The following TUBB4B variants were observed in gnomAD, a reference collection of about 807,000 sequenced individuals.
TUBB4B encodes the protein tubulin beta-4B chain.
TUBB4B carries 7 observed loss-of-function variants against 34.3 expected under a neutral mutation model. The ratio of observed to expected loss-of-function variants is 0.20; its 90% CI spans 0.12 to 0.38. TUBB4B has a LOEUF of 0.38. Among genes scored for constraint, TUBB4B ranks in the 10% least tolerant of loss-of-function variants. TUBB4B has a pLI of 1.00. For missense variants in TUBB4B, 178 were observed against 610.9 expected, an observed-to-expected ratio of 0.29 and a Z score of 7.47; for synonymous variants, 390 against 250.2, an observed-to-expected ratio of 1.56 and a Z score of -5.27.
At position 137,241,699 on chromosome 9, in the gene TUBB4B, G is replaced by T. The variant is rs555223485; in HGVS notation, c.58-22G>T. On this transcript the variant is annotated intron_variant, in intron 1 of 3. Coordinates refer to ENST00000340384, the MANE Select transcript of TUBB4B (RefSeq NM_006088.6). ...CGGTGACTCAGCCCCGGCCCGCCCG[G>T]GCCCGCCCGCGTCCCTTGTAGTTTT... 6.5e-4 allele frequency: 1,045 copies of T among 1,601,916 alleles called. 18 individuals are homozygous for T. The South Asian group carries it at 0.011, about 17-fold the overall frequency.
intron 1 of TUBB4B, 33 bp from the exon 2 acceptor site, chr9:137,241,688 C>T (rs781745225): frequency 5.7e-6 from 9 of 1,587,356 alleles, no homozygotes; most frequent in Non-Finnish European, 6.9e-6. Context: ...GACTCAGCCC[C>T]GGCCCGCCCG....
chr9:137,242,665 C>T lies in TUBB4B; in HGVS notation c.447C>T (p.Thr149=), dbSNP rs771329684. The change falls in exon 4 of 4, where the codon ACC becomes ACT. Residue 149 remains threonine (T), a synonymous_variant. Coordinates refer to ENST00000340384, the MANE Select transcript of TUBB4B (RefSeq NM_006088.6). ...LGGGTGSGMG[T]LLISKIREEY... ...GGGGGACTGGGTCTGGGATGGGTAC[C>T]CTCCTCATCAGCAAGATCCGGGAGG... 15 of 1,613,498 alleles carry T rather than the reference C, an allele frequency of 9.3e-6. No homozygotes were observed. Among genetic ancestry groups the T allele is most frequent in the South Asian group, 4.4e-5 (4 of 91,084 alleles).
At position 137,243,044 on chromosome 9, in the gene TUBB4B, C is replaced by A; in HGVS notation, c.826C>A (p.Arg276=). ...FMPGFAPLTS[R]GSQQYRALTV... The stretch of plus-strand genomic sequence containing the variant: ...GCCCGGCTTTGCCCCACTGACCAGC[C>A]GGGGCAGCCAGCAGTACCGGGCGCT... The change falls in exon 4 of 4, where the codon CGG becomes AGG. Residue 276 remains arginine, a synonymous_variant. Transcript: ENST00000340384. 1 of 1,612,874 alleles carries A rather than the reference C, an allele frequency of 6.2e-7. No individual in the cohort carries two copies. The highest frequency in any genetic ancestry group is 8.5e-7 in the Non-Finnish European group (1 of 1,180,030).
In TUBB4B at chr9:137,241,751, A is replaced by G; in HGVS notation, c.88A>G (p.Ile30Val). 2 of 1,611,732 alleles carry G rather than the reference A, an allele frequency of 1.2e-6. No homozygotes were observed. The highest frequency in any genetic ancestry group is 8.5e-7 in the Non-Finnish European group (1 of 1,179,294). Residue 30 changes from isoleucine (I) to valine (V), a missense_variant, in exon 2 of 4, where the codon ATC (isoleucine) becomes GTC (valine). Transcript: ENST00000340384. ...FWEVISDEHG[I>V]DPTGTYHGDS... ...GGAGGTGATCAGCGATGAGCACGGC[A>G]TCGACCCCACGGGCACCTACCACGG... is the stretch of plus-strand genomic sequence containing the variant.
Position 137,241,767 on chromosome 9 carries a change from C to T in TUBB4B, c.104C>T (p.Thr35Ile), listed in dbSNP as rs1315997840. The T allele has an allele frequency of 3.1e-6, 5 of 1,612,264 alleles. No individual in the cohort carries two copies. Among genetic ancestry groups the T allele is most frequent in the East Asian group, 2.2e-5 (1 of 44,860 alleles). ...GAGCACGGCATCGACCCCACGGGCA[C>T]CTACCACGGGGACAGCGACCTGCAG... is the stretch of plus-strand genomic sequence containing the variant. ...SDEHGIDPTG[T>I]YHGDSDLQLE... The change falls in exon 2 of 4, where the codon ACC (threonine) becomes ATC (isoleucine). Residue 35 changes from threonine to isoleucine, a missense_variant. By Grantham distance (89) the Thr-to-Ile change is moderately conservative. Transcript: ENST00000340384.
In TUBB4B at chr9:137,241,293, C is replaced by G. The variant is rs553368308; in HGVS notation, c.-68C>G. 598 of 1,548,654 alleles carry G rather than the reference C, an allele frequency of 3.9e-4. No individual in the cohort carries two copies. The highest frequency in any genetic ancestry group is 5.7e-4 in the East Asian group (23 of 40,654). On this transcript the variant is annotated 5_prime_UTR_variant, in exon 1 of 4. Transcript: ENST00000340384. ...TTGGCGGAGCGTCGGTTGTAGCACT[C>G]TGCGCGCCCGCTCTTCTGCTGCTGT... is the stretch of plus-strand genomic sequence containing the variant.
chr9:137,242,480 C>T lies in TUBB4B; in HGVS notation c.278-16C>T, dbSNP rs374501866. On this transcript the variant is annotated splice_polypyrimidine_tract_variant and intron_variant, in intron 3 of 3. Coordinates refer to ENST00000340384, the MANE Select transcript of TUBB4B (RefSeq NM_006088.6). ...GTCTACCTGGCTGACAAATGATTAG[C>T]TGTGTTCTCTCACAGGTCAGAGTGG... 4.5e-5 allele frequency: 72 copies of T among 1,608,208 alleles called. No homozygotes were observed. Among genetic ancestry groups the T allele is most frequent in the Non-Finnish European group, 5.8e-5 (68 of 1,176,278 alleles).
At chr9:137,241,494 A>G (rs987863534) in intron 1 of TUBB4B, 77 bp downstream of exon 1, 1 of 1,191,398 alleles carries the variant, frequency 8.4e-7, no homozygotes, top group Non-Finnish European at 1.0e-6. Flanking sequence ...TGGCGGCAGC[A>G]GCGGCCGGGC....
rs1366164012 is a variant in TUBB4B at position 137,242,569 on chromosome 9, G to A, written c.351G>A (p.Leu117=). 11 of 1,613,876 alleles carry A rather than the reference G, an allele frequency of 6.8e-6. No individual in the cohort carries two copies. Among genetic ancestry groups the A allele is most frequent in the Non-Finnish European group, 9.3e-6 (11 of 1,180,028 alleles). Residue 117 remains leucine (L), a synonymous_variant, in exon 4 of 4, where the codon CTG becomes CTA. Coordinates refer to ENST00000340384, the MANE Select transcript of TUBB4B (RefSeq NM_006088.6). ...TEGAELVDSV[L]DVVRKEAESC... ...GCGCGGAGCTGGTGGACTCGGTGCT[G>A]GATGTTGTGAGAAAGGAGGCTGAGA...
chr9:137,241,650 G>C lies in TUBB4B; in HGVS notation c.58-71G>C, dbSNP rs1462270301. On this transcript the variant is annotated intron_variant, in intron 1 of 3. Transcript: ENST00000340384. ...GGGCTGCCGCGCCCGTCCGGGGCGG[G>C]GCTGCCTCCCTGCGCACCGGCCGCG... 2.5e-6 allele frequency: 3 copies of C among 1,217,878 alleles called. No homozygotes were observed. The East Asian group carries it at 1.2e-4, about 50-fold the overall frequency. 75.4% of individuals were successfully genotyped at this position (1,217,878 alleles called of 1,614,324 possible).
Position 137,241,354 on chromosome 9 carries a change from C to G in TUBB4B, c.-7C>G, listed in dbSNP as rs780286438. On this transcript the variant is annotated 5_prime_UTR_variant, in exon 1 of 4. Transcript: ENST00000340384. Reference sequence around the variant, plus strand: ...CCTCCTGCTTCCCCGCCGCCGCCGCCGCCATCATGAGGGAAATCGTGCACT... The same window carrying G: ...CCTCCTGCTTCCCCGCCGCCGCCGCGGCCATCATGAGGGAAATCGTGCACT... 4 of 1,600,968 alleles carry G rather than the reference C, an allele frequency of 2.5e-6. No individual in the cohort carries two copies. Among genetic ancestry groups the G allele is most frequent in the African/African-American group, 1.3e-5 (1 of 74,268 alleles).
chr9:137,242,775 C>T lies in TUBB4B; in HGVS notation c.557C>T (p.Thr186Ile), dbSNP rs1836784871. The change falls in exon 4 of 4, where the codon ACC becomes ATC. Residue 186 changes from threonine to isoleucine, a missense_variant. Physicochemically the swap from Thr to Ile is moderately conservative, Grantham distance 89. Transcript: ENST00000340384. ...SDTVVEPYNA[T>I]LSVHQLVENT... ...ACAGTGGTGGAGCCCTACAACGCCA[C>T]CCTCTCAGTCCACCAGCTCGTAGAA... 6.2e-7 allele frequency: 1 copy of T among 1,613,830 alleles called. No homozygotes were observed.
In TUBB4B at chr9:137,243,217, C is replaced by G. The variant is rs763947344; in HGVS notation, c.999C>G (p.Val333=). 2.5e-6 allele frequency: 4 copies of G among 1,613,166 alleles called. No homozygotes were observed. In the Admixed American group the frequency reaches 5.0e-5, roughly 20 times the overall value. Residue 333 remains valine, a synonymous_variant, in exon 4 of 4, where the codon GTC becomes GTG. Transcript: ENST00000340384. Reference sequence around the variant, plus strand: ...AGGTGGATGAGCAAATGCTTAATGTCCAAAACAAAAACAGCAGCTATTTTG... The same window carrying G: ...AGGTGGATGAGCAAATGCTTAATGTGCAAAACAAAAACAGCAGCTATTTTG... ...MKEVDEQMLN[V]QNKNSSYFVE... is the part of the protein sequence containing the mutation.
chr9:137,241,455 G>C (rs762406013), intron 1 of TUBB4B, 38 bp downstream of exon 1: 3 of 1,476,860 alleles, frequency 2.0e-6, no homozygotes, highest in Admixed American at 2.2e-5. Context: ...CGGGCCTGCC[G>C]GGCGGTGTGG....
rs747294212 is a variant in TUBB4B, at chr9:137,242,644, G to A, written c.426G>A (p.Gly142=). The change falls in exon 4 of 4, where the codon GGG becomes GGA. Residue 142 remains glycine (G), a synonymous_variant. Transcript: ENST00000340384. ...GFQLTHSLGG[G]TGSGMGTLLI... The stretch of plus-strand genomic sequence containing the variant: ...AGCTGACCCACTCCCTGGGTGGGGG[G>A]ACTGGGTCTGGGATGGGTACCCTCC... 7 of 1,613,704 alleles carry A rather than the reference G, an allele frequency of 4.3e-6. No homozygotes were observed. The East Asian group carries it at 6.7e-5, about 15-fold the overall frequency.
At position 137,243,049 on chromosome 9, in the gene TUBB4B, C is replaced by T; in HGVS notation, c.831C>T (p.Gly277=). ...MPGFAPLTSR[G]SQQYRALTVP... is the part of the protein sequence containing the mutation. Reference sequence around the variant, plus strand: ...GCTTTGCCCCACTGACCAGCCGGGGCAGCCAGCAGTACCGGGCGCTGACCG... The same window carrying T: ...GCTTTGCCCCACTGACCAGCCGGGGTAGCCAGCAGTACCGGGCGCTGACCG... The change falls in exon 4 of 4, where the codon GGC becomes GGT. Residue 277 remains glycine, a synonymous_variant. Coordinates refer to ENST00000340384, the MANE Select transcript of TUBB4B (RefSeq NM_006088.6). 2 of 1,612,900 alleles carry T rather than the reference C, an allele frequency of 1.2e-6. No homozygotes were observed. The highest frequency in any genetic ancestry group is 3.3e-5 in the Admixed American group (2 of 60,010).
Position 137,243,346 on chromosome 9 carries a change from G to C in TUBB4B, c.1128G>C (p.Glu376Asp). 1.2e-6 allele frequency: 2 copies of C among 1,613,582 alleles called. No individual in the cohort carries two copies. The highest frequency in any genetic ancestry group is 8.5e-7 in the Non-Finnish European group (1 of 1,180,042). ...TTGGCAACAGCACGGCCATCCAGGA[G>C]CTGTTCAAGCGCATCTCCGAGCAGT... is the stretch of plus-strand genomic sequence containing the variant. The part of the protein sequence containing the change: ...TFIGNSTAIQ[E>D]LFKRISEQFT... Residue 376 changes from glutamate (E) to aspartate (D), a missense_variant, in exon 4 of 4, where the codon GAG becomes GAC. Glu to Asp is a conservative substitution (Grantham distance 45, BLOSUM62 2). Transcript: ENST00000340384.
In TUBB4B at chr9:137,241,735, C is replaced by T. The variant is rs1244108490; in HGVS notation, c.72C>T (p.Ile24=). The T allele has an allele frequency of 1.2e-6, 2 of 1,611,650 alleles. No homozygotes were observed. Among genetic ancestry groups the T allele is most frequent in the Non-Finnish European group, 8.5e-7 (1 of 1,179,242 alleles). The change falls in exon 2 of 4, where the codon ATC becomes ATT. Residue 24 remains isoleucine, a synonymous_variant. Transcript: ENST00000340384. Reference sequence around the variant, plus strand: ...GTCCCTTGTAGTTTTGGGAGGTGATCAGCGATGAGCACGGCATCGACCCCA... The same window carrying T: ...GTCCCTTGTAGTTTTGGGAGGTGATTAGCGATGAGCACGGCATCGACCCCA... ...NQIGAKFWEV[I]SDEHGIDPTG... is the part of the protein sequence containing the mutation.
chr9:137,241,434 C>A lies in TUBB4B; in HGVS notation c.57+17C>A, dbSNP rs1198362628. The A allele has an allele frequency of 1.3e-6, 2 of 1,577,484 alleles. No homozygotes were observed. Among genetic ancestry groups the A allele is most frequent in the Admixed American group, 1.7e-5 (1 of 57,454 alleles). On this transcript the variant is annotated intron_variant, in intron 1 of 3. Transcript: ENST00000340384. ...GGCGCCAAGGTAAGTTGCCGGGGCG[C>A]TGGGGCCAGGCGGGCCTGCCGGGCG... is the stretch of plus-strand genomic sequence containing the variant.
Sources: gnomAD v4.1 joint callset for allele counts on GRCh38, gnomAD v4.1.1 for gene constraint, MANE v1.5 for transcripts, NCBI Gene and HGNC (gene_info 2026-07-23, HGNC 2026-07-21) for gene names.